CSMD1: variants seen among roughly 807,000 people sequenced by gnomAD.
The protein encoded by CSMD1 is CUB and Sushi multiple domains 1.
In CSMD1, 213 loss-of-function variants were observed where a neutral mutation model predicts 417.5. The observed-to-expected ratio is 0.51, with a 90% CI of 0.46 to 0.57. CSMD1 has a LOEUF of 0.57. Among genes scored for constraint, CSMD1 ranks in the 20% least tolerant of loss-of-function variants. CSMD1 has a pLI of 0.00. For synonymous variants in CSMD1, 2,862 were observed against 1,736.8 expected (o/e 1.65, Z -16.11); for missense variants, 6,923 against 4,529.7 (o/e 1.53, Z -15.17).
chr8:4,523,776 G>T (rs1271707484), intron 2 of CSMD1, among the ~76,000 whole-genome samples: 1 of 152,128 alleles, frequency 6.6e-6, no homozygotes, highest in South Asian at 2.1e-4. Flanking sequence ...TAACATAATT[G>T]TATGCAGAGC....
chr8:4,172,634 G>A (rs113636377), intron 3 of CSMD1, among the ~76,000 whole-genome samples: 11 of 152,144 alleles, frequency 7.2e-5, no homozygotes, highest in African/African-American at 2.7e-4. Flanking sequence ...TGGTATTTAT[G>A]AACTCCTGCG....
chr8:4,620,855 C>T (rs1044710407), intron 2 of CSMD1, among the ~76,000 whole-genome samples: 2 of 150,046 alleles, frequency 1.3e-5, no homozygotes, highest in Admixed American at 6.6e-5. Flanking sequence ...GAGACTAAAC[C>T]CAAAATAAAT....
intron 3 of CSMD1, among the ~76,000 whole-genome samples, chr8:4,418,334 CAT>C (rs1224764024): frequency 2.6e-5 from 4 of 152,098 alleles, no homozygotes; most frequent in Non-Finnish European, 5.9e-5. Context: ...ATTTTTCCAA[CAT>C]AGACAATCTT....
intron 7 of CSMD1, among the ~76,000 whole-genome samples, chr8:3,619,797 T>A (rs1483832721): frequency 1.3e-5 from 2 of 152,106 alleles, no homozygotes; most frequent in Non-Finnish European, 1.5e-5. Flanking sequence ...ATGGATAGGC[T>A]GGGCACGGTG....
intron 6 of CSMD1, among the ~76,000 whole-genome samples, chr8:3,725,937 T>C (rs978160178): frequency 6.6e-6 from 1 of 152,192 alleles, no homozygotes; most frequent in Middle Eastern, 3.2e-3. Context: ...CTGGACCTAA[T>C]GACTCGCAAG....
chr8:3,374,387 G>T (rs1810178573), intron 18 of CSMD1, among the ~76,000 whole-genome samples: 1 of 152,108 alleles, frequency 6.6e-6, no homozygotes, highest in South Asian at 2.1e-4. Context: ...ATGCTTCTGG[G>T]CATAGAACAA....
At chr8:4,297,688 T>C (rs1797760540) in intron 3 of CSMD1, among the ~76,000 whole-genome samples, 1 of 152,186 alleles carries the variant, frequency 6.6e-6, no homozygotes, top group Admixed American at 6.6e-5. Flanking sequence ...TGTTTTAGCA[T>C]TAACCCGGAG....
intron 2 of CSMD1, among the ~76,000 whole-genome samples, chr8:4,609,595 G>C (rs757825282): frequency 5.3e-5 from 8 of 152,162 alleles, no homozygotes; most frequent in Non-Finnish European, 1.0e-4. Context: ...TGCCATCACA[G>C]AGTATGATCT....
At chr8:4,568,376 T>G (rs951744124) in intron 2 of CSMD1, among the ~76,000 whole-genome samples, 11 of 152,260 alleles carry the variant, frequency 7.2e-5, no homozygotes, top group Non-Finnish European at 1.6e-4. Flanking sequence ...CATGCGTTGT[T>G]TCGTTTTCTG....
chr8:4,559,841 C>G (rs1798249589), intron 2 of CSMD1, among the ~76,000 whole-genome samples: 1 of 152,210 alleles, frequency 6.6e-6, no homozygotes, highest in Non-Finnish European at 1.5e-5. Context: ...ATTCATCTTA[C>G]CTTTCTCCAC....
At chr8:4,037,420 G>A (rs10107243) in intron 3 of CSMD1, among the ~76,000 whole-genome samples, 58 of 152,230 alleles carry the variant, frequency 3.8e-4, no homozygotes, top group African/African-American at 1.4e-3. Context: ...AGAATAAAGA[G>A]GATGTCTATT....
At chr8:3,733,618 C>T (rs1962540) in intron 6 of CSMD1, among the ~76,000 whole-genome samples, 51,082 of 151,800 alleles carry the variant, frequency 0.34, 8,817 homozygotes, top group Non-Finnish European at 0.38. Context: ...CATCCTGCCT[C>T]GGTCCCGAAT....
chr8:3,436,099 G>A (rs6983741), intron 12 of CSMD1, among the ~76,000 whole-genome samples: 83,952 of 151,856 alleles, frequency 0.55, 23,641 homozygotes, highest in East Asian at 0.72. Flanking sequence ...AGGAGCAGAG[G>A]CTCCCTCACT....
At chr8:4,376,654 C>T (rs997169614) in intron 3 of CSMD1, among the ~76,000 whole-genome samples, 1 of 152,142 alleles carries the variant, frequency 6.6e-6, no homozygotes, top group African/African-American at 2.4e-5. Flanking sequence ...CATTCTATAG[C>T]CGTGCTCATA....
At chr8:4,520,717 T>G (rs1361432336) in intron 2 of CSMD1, among the ~76,000 whole-genome samples, 1 of 152,216 alleles carries the variant, frequency 6.6e-6, no homozygotes, top group Non-Finnish European at 1.5e-5. Context: ...AATCCTGAAC[T>G]TTTGTTCCAA....
At chr8:4,558,293 G>T (rs1798182282) in intron 2 of CSMD1, among the ~76,000 whole-genome samples, 1 of 152,076 alleles carries the variant, frequency 6.6e-6, no homozygotes, top group Admixed American at 6.5e-5. Context: ...TACACTTTTG[G>T]AAGATTTCCA....
At chr8:4,993,783 G>C (rs554371100) in intron 1 of CSMD1, among the ~76,000 whole-genome samples, 3 of 152,336 alleles carry the variant, frequency 2.0e-5, no homozygotes, top group African/African-American at 4.8e-5. Flanking sequence ...GAGGACGTTG[G>C]AGAGGGAAGG....
At chr8:3,629,441 C>A (rs901520458) in intron 7 of CSMD1, among the ~76,000 whole-genome samples, 2 of 152,068 alleles carry the variant, frequency 1.3e-5, no homozygotes, top group Non-Finnish European at 2.9e-5. Flanking sequence ...AAAATATCAA[C>A]CATACAATAT....
chr8:4,872,100 T>C (rs1210106036), intron 1 of CSMD1, among the ~76,000 whole-genome samples: 1 of 152,164 alleles, frequency 6.6e-6, no homozygotes, highest in African/African-American at 2.4e-5. Flanking sequence ...TTGTCACTGC[T>C]TTAAATATAT....
Sources: gnomAD v4.1 joint callset for allele counts (sites outside exome capture counted in the v4.1 genomes callset) on GRCh38, gnomAD v4.1.1 for gene constraint, MANE v1.5 for transcripts, NCBI Gene and HGNC (gene_info 2026-07-23, HGNC 2026-07-21) for gene names.